Variants in TAOK3 observed in about 807,000 individuals in gnomAD.
TAOK3 encodes the protein serine/threonine-protein kinase TAO3.
Under a neutral mutation model 120.4 loss-of-function variants are expected in TAOK3, and 40 were observed. The ratio of observed to expected loss-of-function variants is 0.33; its 90% CI spans 0.26 to 0.43. The LOEUF is 0.43. TAOK3 is among the 20% of genes least tolerant of loss of function. The pLI is 1.00. For missense variants in TAOK3, 821 were observed against 1,112.1 expected (o/e 0.74, Z 3.72); for synonymous variants, 355 against 387.5 (o/e 0.92, Z 0.99).
At chr12:118,277,695 G>A (rs1257958056) in intron 1 of TAOK3, among the ~76,000 whole-genome samples, 1 of 151,866 alleles carries the variant, frequency 6.6e-6, no homozygotes, top group Admixed American at 6.6e-5. Flanking sequence ...TCCTGATTTC[G>A]TGATCCACCC....
chr12:118,159,451 C>T (rs1179256334), intron 19 of TAOK3, among the ~76,000 whole-genome samples: 1 of 152,018 alleles, frequency 6.6e-6, no homozygotes, highest in Non-Finnish European at 1.5e-5. Context: ...GCTGGGACTA[C>T]AGGTGCCTGC....
At chr12:118,226,994 T>A (rs1779698330) in intron 9 of TAOK3, among the ~76,000 whole-genome samples, 1 of 152,058 alleles carries the variant, frequency 6.6e-6, no homozygotes, top group Admixed American at 6.6e-5. Flanking sequence ...AAAGGGTATA[T>A]GTAGTTTGTA....
At chr12:118,179,280 T>C (rs1265783077) in intron 15 of TAOK3, among the ~76,000 whole-genome samples, 1 of 152,208 alleles carries the variant, frequency 6.6e-6, no homozygotes, top group Non-Finnish European at 1.5e-5. Flanking sequence ...AGTCACTGCA[T>C]GCCCAGGGAG....
intron 9 of TAOK3, among the ~76,000 whole-genome samples, chr12:118,219,852 G>A (rs994915116): frequency 7.1e-6 from 1 of 141,038 alleles, no homozygotes; most frequent in Non-Finnish European, 1.5e-5. Context: ...GGGCTCAAGC[G>A]ATCTGCCCGC....
chr12:118,272,352 TA>T (rs542708645), intron 1 of TAOK3, among the ~76,000 whole-genome samples: 116 of 149,516 alleles, frequency 7.8e-4, no homozygotes, highest in African/African-American at 2.7e-3. Flanking sequence ...AGAGTAGAAA[TA>T]TATATTTTTA....
At chr12:118,357,841 G>C (rs560104486) in intron 1 of TAOK3, among the ~76,000 whole-genome samples, 2 of 152,172 alleles carry the variant, frequency 1.3e-5, no homozygotes, top group African/African-American at 4.8e-5. Flanking sequence ...TAAGGAAAAA[G>C]AACGTGCTAT....
intron 9 of TAOK3, among the ~76,000 whole-genome samples, chr12:118,216,938 A>G (rs1007735362): frequency 2.0e-5 from 3 of 151,770 alleles, no homozygotes; most frequent in African/African-American, 7.3e-5. Flanking sequence ...CAAAAAAAAA[A>G]AAAAAAAAAG....
rs554562981 is a variant in TAOK3 at position 118,215,565 on chromosome 12, A to G, written c.644-1455T>C. On this transcript the variant is annotated intron_variant, in intron 9 of 20. Coordinates refer to ENST00000392533, the MANE Select transcript of TAOK3 (RefSeq NM_016281.4). ...CTAACAGAGCATGAGAGATAAGCCA[A>G]TTATATTCAGTAAATACTGTCTGAT... Among the ~76,000 whole-genome samples, 26 of 152,064 alleles carry G rather than the reference A, an allele frequency of 1.7e-4. No individual in the cohort carries two copies. The South Asian group carries it at 5.0e-3, about 29-fold the overall frequency.
At chr12:118,342,478 C>T (rs79102915) in intron 1 of TAOK3, among the ~76,000 whole-genome samples, 5,012 of 152,144 alleles carry the variant, frequency 0.033, 270 homozygotes, top group African/African-American at 0.11. Flanking sequence ...AGGTTAGAAA[C>T]GTGTCATCCA....
chr12:118,349,451 C>T (rs2045036102), intron 1 of TAOK3, among the ~76,000 whole-genome samples: 1 of 152,124 alleles, frequency 6.6e-6, no homozygotes, highest in Non-Finnish European at 1.5e-5. Context: ...CTGATGTACG[C>T]TACAATGTGG....
chr12:118,235,237 TG>T lies in TAOK3; in HGVS notation c.551+320del, dbSNP rs1328702555. 4.6e-5 allele frequency among the ~76,000 whole-genome samples: 7 copies of T among 152,308 alleles called. No individual in the cohort carries two copies. In the East Asian group the frequency reaches 1.2e-3, roughly 25 times the overall value. ...TGAAAGAAGCTGCCCTGTCCTTACCTGGAGGCTTTGCCTCAAGAGAAAAGTT... is the reference window on the plus strand; with the variant it reads ...TGAAAGAAGCTGCCCTGTCCTTACCTGAGGCTTTGCCTCAAGAGAAAAGTT... On this transcript the variant is annotated intron_variant, in intron 8 of 20. Transcript: ENST00000392533.
intron 16 of TAOK3, among the ~76,000 whole-genome samples, chr12:118,175,249 C>T (rs1450753256): frequency 6.6e-6 from 1 of 152,170 alleles, no homozygotes; most frequent in Non-Finnish European, 1.5e-5. Flanking sequence ...TAGGCCCACC[C>T]CAACCCCCTT....
chr12:118,359,643 A>G (rs1314209189), intron 1 of TAOK3: 1 of 152,224 alleles, frequency 6.6e-6, no homozygotes, highest in East Asian at 1.9e-4. Flanking sequence ...CTAAAAAGGA[A>G]CTGCAGATAA....
chr12:118,174,308 C>T (rs2036187490), intron 16 of TAOK3, among the ~76,000 whole-genome samples: 2 of 151,462 alleles, frequency 1.3e-5, no homozygotes, highest in Admixed American at 6.6e-5. Flanking sequence ...CTAAGCTTTA[C>T]TTCAGAAAAA....
intron 7 of TAOK3, chr12:118,236,304 A>G (rs1325161719): frequency 2.0e-5 from 3 of 152,232 alleles, no homozygotes; most frequent in Non-Finnish European, 4.4e-5. Context: ...AAAGATCAAA[A>G]CAAACAAGGA....
At chr12:118,273,141 T>C (rs1439419993) in intron 1 of TAOK3, among the ~76,000 whole-genome samples, 1 of 152,174 alleles carries the variant, frequency 6.6e-6, no homozygotes, top group Admixed American at 6.5e-5. Context: ...TCTCAGGACA[T>C]TTAAAGATAT....
At chr12:118,254,963 C>T (rs1253956189) in intron 3 of TAOK3, among the ~76,000 whole-genome samples, 3 of 152,036 alleles carry the variant, frequency 2.0e-5, no homozygotes, top group South Asian at 2.1e-4. Flanking sequence ...GGGGTTTCAC[C>T]GTGTTAGCCA....
chr12:118,269,440 G>A (rs1335202244), intron 1 of TAOK3, among the ~76,000 whole-genome samples: 1 of 134,818 alleles, frequency 7.4e-6, no homozygotes. Context: ...ATGCAGTATC[G>A]GCTTACTGCA....
intron 17 of TAOK3, among the ~76,000 whole-genome samples, chr12:118,164,116 A>G (rs1208060167): frequency 6.6e-6 from 1 of 151,452 alleles, no homozygotes; most frequent in Non-Finnish European, 1.5e-5. Context: ...AGGTCAGGAG[A>G]TCGAGACCAT....
Sources: gnomAD v4.1 joint callset for allele counts (sites outside exome capture counted in the v4.1 genomes callset) on GRCh38, gnomAD v4.1.1 for gene constraint, MANE v1.5 for transcripts, NCBI Gene and HGNC (gene_info 2026-07-23, HGNC 2026-07-21) for gene names.